TEAD1: variants seen among roughly 807,000 people sequenced by gnomAD.
TEAD1 encodes TEA domain transcription factor 1, also known as transcriptional enhancer factor TEF-1.
TEAD1 carries 9 observed loss-of-function variants against 54.9 expected under a neutral mutation model. The ratio of observed to expected loss-of-function variants is 0.16; its 90% confidence interval spans 0.10 to 0.29. The LOEUF (loss-of-function observed/expected upper bound fraction) is 0.29. TEAD1 is among the 10% of genes least tolerant of loss of function. TEAD1 has a pLI of 1.00. For synonymous variants in TEAD1, 200 were observed against 187.8 expected (o/e 1.07, Z -0.53); for missense variants, 387 against 535.9 (o/e 0.72, Z 2.74).
At position 12,929,976 on chromosome 11, in the gene TEAD1, C is replaced by G. The variant is rs141529167; in HGVS notation, c.1015-198C>G. 3.3e-5 allele frequency among the ~76,000 whole-genome samples: 5 copies of G among 152,138 alleles called. No homozygotes were observed. The East Asian group carries it at 9.7e-4, about 29-fold the overall frequency. ...TTCCAACTAATTTTTTAAAAAACTT[C>G]CAGAAAAATAATGGATTCTATGTAT... On this transcript the variant is annotated intron_variant, in intron 11 of 12. Coordinates refer to ENST00000527636, the MANE Select transcript of TEAD1 (RefSeq NM_021961.6).
intron 2 of TEAD1, among the ~76,000 whole-genome samples, chr11:12,693,790 A>G (rs746104748): frequency 1.3e-5 from 2 of 152,250 alleles, no homozygotes; most frequent in African/African-American, 4.8e-5. Context: ...TATTAAAAGC[A>G]GTATCTTATC....
intron 5 of TEAD1, among the ~76,000 whole-genome samples, chr11:12,877,125 C>G (rs929344992): frequency 6.6e-6 from 1 of 152,142 alleles, no homozygotes; most frequent in Non-Finnish European, 1.5e-5. Flanking sequence ...AGCCCCAAGT[C>G]GAAGAACTGC....
chr11:12,866,961 T>C (rs929937996), intron 5 of TEAD1, among the ~76,000 whole-genome samples: 5 of 152,150 alleles, frequency 3.3e-5, no homozygotes, highest in Non-Finnish European at 7.3e-5. Flanking sequence ...ATCCCGGGGA[T>C]GAGCTTCGTG....
At chr11:12,675,364 T>G (rs1943061520) in intron 1 of TEAD1, 45 bp from the exon 2 acceptor site, 1 of 152,104 alleles carries the variant, frequency 6.6e-6, no homozygotes, top group Admixed American at 6.5e-5. Flanking sequence ...CGCTCCTTCT[T>G]CTCAAAGATG....
At chr11:12,888,161 CA>C (rs1342506081) in intron 9 of TEAD1, among the ~76,000 whole-genome samples, 2 of 152,178 alleles carry the variant, frequency 1.3e-5, no homozygotes, top group Admixed American at 6.5e-5. Context: ...TGCTGCCTTA[CA>C]GTAGCCAGCT....
At chr11:12,720,356 C>T (rs545653192) in intron 2 of TEAD1, among the ~76,000 whole-genome samples, 2 of 152,192 alleles carry the variant, frequency 1.3e-5, no homozygotes, top group Admixed American at 6.5e-5. Context: ...CATATAGATA[C>T]ATAGATAGTC....
At chr11:12,744,900 AG>A (rs1944716308) in intron 2 of TEAD1, among the ~76,000 whole-genome samples, 1 of 152,138 alleles carries the variant, frequency 6.6e-6, no homozygotes, top group African/African-American at 2.4e-5. Context: ...ACGGGTTCTG[AG>A]AGGCCCTAAT....
At chr11:12,862,545 A>G (rs1184309300) in intron 4 of TEAD1, among the ~76,000 whole-genome samples, 1 of 152,194 alleles carries the variant, frequency 6.6e-6, no homozygotes, top group Non-Finnish European at 1.5e-5. Flanking sequence ...GGAAAATGTC[A>G]CTGCTAAGGA....
chr11:12,740,243 C>T (rs1944624606), intron 2 of TEAD1, among the ~76,000 whole-genome samples: 1 of 152,128 alleles, frequency 6.6e-6, no homozygotes, highest in Non-Finnish European at 1.5e-5. Context: ...ATAGGAATAA[C>T]AGTAGTACTT....
At chr11:12,679,837 A>G (rs1245754988) in intron 2 of TEAD1, among the ~76,000 whole-genome samples, 1 of 152,166 alleles carries the variant, frequency 6.6e-6, no homozygotes, top group African/African-American at 2.4e-5. Flanking sequence ...ATCTAGGGGA[A>G]TGAAATGAGT....
intron 2 of TEAD1, among the ~76,000 whole-genome samples, chr11:12,703,964 C>T (rs1419231870): frequency 6.6e-6 from 1 of 152,138 alleles, no homozygotes; most frequent in Non-Finnish European, 1.5e-5. Context: ...ACCCTAAATT[C>T]CCTAGAAGCA....
chr11:12,854,429 T>TA (rs747281422), intron 3 of TEAD1, among the ~76,000 whole-genome samples: 2 of 152,186 alleles, frequency 1.3e-5, no homozygotes, highest in Non-Finnish European at 2.9e-5. Flanking sequence ...GTTCATCTTA[T>TA]AGTCTCATTC....
At chr11:12,713,654 A>G (rs901436583) in intron 2 of TEAD1, among the ~76,000 whole-genome samples, 2 of 152,210 alleles carry the variant, frequency 1.3e-5, no homozygotes, top group African/African-American at 4.8e-5. Flanking sequence ...GTACAACCCA[A>G]TTAAAATGGC....
chr11:12,894,307 G>A (rs530542231), intron 9 of TEAD1, among the ~76,000 whole-genome samples: 34 of 152,252 alleles, frequency 2.2e-4, no homozygotes, highest in Non-Finnish European at 3.1e-4. Context: ...AGGGCACCTC[G>A]CAGATGCTGA....
At chr11:12,737,997 AAACCCCTTAT>A (rs1944571604) in intron 2 of TEAD1, among the ~76,000 whole-genome samples, 1 of 152,130 alleles carries the variant, frequency 6.6e-6, no homozygotes, top group African/African-American at 2.4e-5. Context: ...GCAAAAGGGG[AAACCCCTTAT>A]ATAAAACCGT....
intron 2 of TEAD1, among the ~76,000 whole-genome samples, chr11:12,733,821 G>A (rs1233720547): frequency 1.3e-5 from 2 of 152,204 alleles, no homozygotes; most frequent in Non-Finnish European, 2.9e-5. Context: ...ATAATGGAGC[G>A]AAAAATTCCT....
intron 5 of TEAD1, among the ~76,000 whole-genome samples, chr11:12,875,338 TAGA>T (rs1438838182): frequency 6.6e-6 from 1 of 152,142 alleles, no homozygotes; most frequent in Non-Finnish European, 1.5e-5. Context: ...GTCTGACACT[TAGA>T]GTTATTTTTT....
chr11:12,763,762 CT>C lies in TEAD1; in HGVS notation c.-54-416del, dbSNP rs1466237737. On this transcript the variant is annotated intron_variant, in intron 2 of 12. Transcript: ENST00000527636. Reference sequence around the variant, plus strand: ...TTGATGATCATTTAGCAAAGTGCCCCTGGTAGATAGTAGGCACTCAGTAAAT... The same window carrying C: ...TTGATGATCATTTAGCAAAGTGCCCCGGTAGATAGTAGGCACTCAGTAAAT... Among the ~76,000 whole-genome samples the C allele has an allele frequency of 3.3e-5, 5 of 152,278 alleles. No individual in the cohort carries two copies. The East Asian group carries it at 5.8e-4, about 18-fold the overall frequency.
chr11:12,917,363 C>G (rs770252030), intron 10 of TEAD1, among the ~76,000 whole-genome samples: 1 of 152,156 alleles, frequency 6.6e-6, no homozygotes, highest in South Asian at 2.1e-4. Flanking sequence ...CTTCTAGTTC[C>G]TTGATCTTAG....
Sources: gnomAD v4.1 joint callset for allele counts (sites outside exome capture counted in the v4.1 genomes callset) on GRCh38, gnomAD v4.1.1 for gene constraint, MANE v1.5 for transcripts, NCBI Gene and HGNC (gene_info 2026-07-23, HGNC 2026-07-21) for gene names.